The following MARK3 variants were observed in gnomAD, a reference collection of about 807,000 sequenced individuals.
The protein encoded by MARK3 is MAP/microtubule affinity-regulating kinase 3.
In MARK3, 46 loss-of-function variants were observed where a neutral mutation model predicts 90.1. The ratio of observed to expected loss-of-function variants is 0.51; its 90% CI spans 0.40 to 0.65. The LOEUF is 0.65. Ranked by LOEUF, MARK3 falls within the 30% of genes least tolerant of loss-of-function variation. MARK3 has a pLI of 0.00. For missense variants in MARK3, 818 were observed against 947.2 expected, an observed-to-expected ratio of 0.86 and a Z score of 1.79; for synonymous variants, 321 against 332.6, an observed-to-expected ratio of 0.97 and a Z score of 0.38.
chr14:103,406,383 C>T (rs1288686154), intron 2 of MARK3, among the ~76,000 whole-genome samples: 2 of 137,886 alleles, frequency 1.5e-5, no homozygotes, highest in Non-Finnish European at 3.1e-5. Flanking sequence ...CACCACCACG[C>T]CTGGCTAATT....
intron 13 of MARK3, among the ~76,000 whole-genome samples, chr14:103,477,397 CAGG>C (rs1278186946): frequency 3.3e-5 from 5 of 151,788 alleles, no homozygotes; most frequent in Non-Finnish European, 7.4e-5. Flanking sequence ...GAGGCTGAGG[CAGG>C]AGAATTGCTT....
intron 1 of MARK3, among the ~76,000 whole-genome samples, chr14:103,387,593 A>G (rs2089911282): frequency 1.3e-5 from 2 of 151,782 alleles, no homozygotes; most frequent in Admixed American, 6.6e-5. Flanking sequence ...CCCAGGCTGA[A>G]GTGATTATCA....
chr14:103,502,873 G>A lies in MARK3; in HGVS notation c.1917-9G>A. ...CGATTAAAAATAAACCTGCCTCTAT[G>A]CATTTCAGTCGCAATGTATCTGCTG... On this transcript the variant is annotated splice_polypyrimidine_tract_variant and intron_variant, in intron 17 of 17. Coordinates refer to ENST00000429436, the MANE Select transcript of MARK3 (RefSeq NM_001128918.3). The A allele has an allele frequency of 6.9e-6, 11 of 1,600,298 alleles. No individual in the cohort carries two copies. The highest frequency in any genetic ancestry group is 9.4e-6 in the Non-Finnish European group (11 of 1,169,882).
At chr14:103,418,767 C>T (rs566972741) in intron 2 of MARK3, among the ~76,000 whole-genome samples, 10 of 152,296 alleles carry the variant, frequency 6.6e-5, no homozygotes, top group African/African-American at 2.2e-4. Context: ...CCCCACAATC[C>T]TAATATTCTG....
chr14:103,472,044 A>G (rs896738819), intron 12 of MARK3, among the ~76,000 whole-genome samples: 1 of 151,466 alleles, frequency 6.6e-6, no homozygotes, highest in Non-Finnish European at 1.5e-5. Context: ...CCCTGTCTCT[A>G]CTAAAAAATA....
chr14:103,407,554 CTTTTTTTTTTTTT>C (rs71460673), intron 2 of MARK3, among the ~76,000 whole-genome samples: 1 of 71,660 alleles, frequency 1.4e-5, no homozygotes, highest in Non-Finnish European at 2.4e-5. Flanking sequence ...TGTTTTGCCT[CTTTTTTTTTTTTT>C]TTTTTTTTTT....
chr14:103,440,935 T>TAAA (rs35047818), intron 3 of MARK3, among the ~76,000 whole-genome samples: 5 of 130,842 alleles, frequency 3.8e-5, no homozygotes, highest in Non-Finnish European at 4.8e-5. Context: ...GAGCCCCTCT[T>TAAA]AAAAAAAAAA....
chr14:103,389,683 C>T (rs575988333), intron 1 of MARK3, among the ~76,000 whole-genome samples: 1 of 151,942 alleles, frequency 6.6e-6, no homozygotes, highest in Non-Finnish European at 1.5e-5. Context: ...GTGGCTCACG[C>T]CTGTAATCCC....
intron 2 of MARK3, among the ~76,000 whole-genome samples, chr14:103,406,676 C>T (rs1339505804): frequency 6.7e-6 from 1 of 149,118 alleles, no homozygotes; most frequent in Non-Finnish European, 1.5e-5. Context: ...AATCTCGGCT[C>T]ACTGCAAGCT....
At chr14:103,493,238 TC>T (rs1450902556) in intron 15 of MARK3, among the ~76,000 whole-genome samples, 1 of 73,994 alleles carries the variant, frequency 1.4e-5, no homozygotes, top group African/African-American at 3.8e-5. Context: ...TAGGGAGTAT[TC>T]CTTTTTTTTT....
intron 14 of MARK3, among the ~76,000 whole-genome samples, chr14:103,486,902 A>G (rs1566931047): frequency 7.8e-6 from 1 of 128,998 alleles, no homozygotes; most frequent in Admixed American, 7.9e-5. Flanking sequence ...GTATGTCAAA[A>G]AGTTTATTTA....
intron 2 of MARK3, among the ~76,000 whole-genome samples, chr14:103,420,863 G>C (rs2092186333): frequency 6.6e-6 from 1 of 152,026 alleles, no homozygotes; most frequent in Admixed American, 6.6e-5. Context: ...CAGTCTTTGT[G>C]CCGTAAACCA....
chr14:103,457,323 G>A lies in MARK3; in HGVS notation c.483+111G>A, dbSNP rs536649327. The A allele has an allele frequency of 1.4e-5, 10 of 734,116 alleles. No individual in the cohort carries two copies. The African/African-American group carries it at 1.4e-4, about 10-fold the overall frequency. 45.5% of individuals were successfully genotyped at this position (734,116 alleles called of 1,614,324 possible). On this transcript the variant is annotated intron_variant, in intron 6 of 17. Transcript: ENST00000429436. ...TGCTTATAAGGCCTGTTGGATGGCA[G>A]GGGTTGGCCATTCAATTCAACAAAA...
intron 1 of MARK3, among the ~76,000 whole-genome samples, chr14:103,394,915 T>A (rs1273317039): frequency 3.3e-5 from 5 of 151,704 alleles, no homozygotes; most frequent in African/African-American, 1.2e-4. Context: ...CCCGAGTAGC[T>A]GGGATTACAG....
intron 7 of MARK3, among the ~76,000 whole-genome samples, chr14:103,464,952 G>C (rs530992261): frequency 6.6e-5 from 10 of 151,866 alleles, no homozygotes; most frequent in Admixed American, 5.2e-4. Flanking sequence ...ACTGTACCTG[G>C]CCCTGCCCCA....
chr14:103,412,364 G>A, intron 2 of MARK3: 1 of 631,140 alleles, frequency 1.6e-6, no homozygotes, highest in Non-Finnish European at 2.8e-6. Flanking sequence ...TGTGAGCAGG[G>A]AAGGGAACTT....
Position 103,470,453 on chromosome 14 carries a change from C to CAATTTTTTTTTTTTTTTTTT in MARK3, c.1264+2267_1264+2268insAATTTTTTTTTTTTTTTTTT, listed in dbSNP as rs1299534465. On this transcript the variant is annotated intron_variant, in intron 12 of 17. Transcript: ENST00000429436. Reference sequence around the variant, plus strand: ...CTATTCCAGGATTCAGGAACTAAATCTATTTTTTTTTTTTTTTTTGAGATG... The same window carrying CAATTTTTTTTTTTTTTTTTT: ...CTATTCCAGGATTCAGGAACTAAATCAATTTTTTTTTTTTTTTTTTTATTTTTTTTTTTTTTTTTGAGATG... Among the ~76,000 whole-genome samples the CAATTTTTTTTTTTTTTTTTT allele has an allele frequency of 6.0e-3, 146 of 24,162 alleles. 4 individuals are homozygous for CAATTTTTTTTTTTTTTTTTT. The highest frequency in any genetic ancestry group is 9.8e-3 in the Non-Finnish European group (118 of 12,000). 15.9% of individuals were successfully genotyped at this position (24,162 alleles called of 152,430 possible).
At chr14:103,470,291 C>T (rs953935457) in intron 12 of MARK3, among the ~76,000 whole-genome samples, 1 of 151,692 alleles carries the variant, frequency 6.6e-6, no homozygotes, top group African/African-American at 2.4e-5. Flanking sequence ...CATAAGACTC[C>T]CAGTGGGTAG....
chr14:103,420,299 G>A (rs1847030792), intron 2 of MARK3, among the ~76,000 whole-genome samples: 10 of 152,046 alleles, frequency 6.6e-5, no homozygotes, highest in Admixed American at 6.6e-4. Flanking sequence ...TGCAATCTTG[G>A]CTCACTGCAG....
Sources: allele counts gnomAD v4.1 joint callset (sites outside exome capture counted in the v4.1 genomes callset), GRCh38; gene constraint gnomAD v4.1.1; transcripts MANE v1.5; gene names NCBI Gene and HGNC (gene_info 2026-07-23, HGNC 2026-07-21).